The following PPP1R9A variants were observed in gnomAD, a reference collection of about 807,000 sequenced individuals.
The protein encoded by PPP1R9A is neurabin-1.
Under a neutral mutation model 141.9 loss-of-function variants are expected in PPP1R9A, and 59 were observed. The ratio of observed to expected loss-of-function variants is 0.42; its 90% CI spans 0.34 to 0.52. PPP1R9A has a LOEUF of 0.52. PPP1R9A is among the 20% of genes least tolerant of loss of function. The pLI is 0.10. For synonymous variants in PPP1R9A, 500 were observed against 569.7 expected (o/e 0.88, Z 1.74); for missense variants, 1,444 against 1,611.9 (o/e 0.90, Z 1.78).
chr7:95,105,195 GT>G lies in PPP1R9A; in HGVS notation c.1396-6057del, dbSNP rs1213742294. Among the ~76,000 whole-genome samples the G allele has an allele frequency of 4.6e-5, 7 of 152,278 alleles. No individual in the cohort carries two copies. The East Asian group carries it at 9.6e-4, about 21-fold the overall frequency. The stretch of plus-strand genomic sequence containing the variant: ...TGTCATAAAGAAGTGAAGGAAATAA[GT>G]TTTTTTCTTATTGTTGAAAATGTAT... On this transcript the variant is annotated intron_variant, in intron 2 of 19. Transcript: ENST00000433360.
At chr7:95,132,658 T>C (rs767887093) in intron 4 of PPP1R9A, among the ~76,000 whole-genome samples, 1 of 152,076 alleles carries the variant, frequency 6.6e-6, no homozygotes, top group Non-Finnish European at 1.5e-5. Flanking sequence ...GGCCGATGTC[T>C]CTTTGCTCAG....
At chr7:95,020,334 C>A (rs1805756039) in intron 2 of PPP1R9A, among the ~76,000 whole-genome samples, 6 of 151,794 alleles carry the variant, frequency 4.0e-5, no homozygotes, top group Admixed American at 3.9e-4. Flanking sequence ...ATATCCAGGT[C>A]ATTGTGAATC....
At chr7:95,126,305 A>G (rs557325209) in intron 4 of PPP1R9A, among the ~76,000 whole-genome samples, 4 of 152,246 alleles carry the variant, frequency 2.6e-5, no homozygotes, top group African/African-American at 9.6e-5. Flanking sequence ...ATAAGTAACT[A>G]TCCAGTAACA....
At chr7:95,108,823 C>T (rs1820044194) in intron 2 of PPP1R9A, 1 of 151,868 alleles carries the variant, frequency 6.6e-6, no homozygotes, top group Non-Finnish European at 1.5e-5. Context: ...TTATTTCATA[C>T]TTACTTTATA....
At chr7:95,047,544 C>T (rs1365062985) in intron 2 of PPP1R9A, among the ~76,000 whole-genome samples, 1 of 152,164 alleles carries the variant, frequency 6.6e-6, no homozygotes, top group Non-Finnish European at 1.5e-5. Flanking sequence ...AGTGCCCTAG[C>T]TGACATCCTT....
chr7:95,292,273 A>G lies in PPP1R9A; in HGVS notation c.*1970A>G, dbSNP rs1172986561. 6.6e-6 allele frequency: 1 copy of G among 152,636 alleles called. No homozygotes were observed. The highest frequency in any genetic ancestry group is 1.5e-5 in the Non-Finnish European group (1 of 68,028). 9.5% of individuals were successfully genotyped at this position (152,636 alleles called of 1,614,324 possible). A position where few individuals can be genotyped will look rare whatever the true frequency, so the allele number is the denominator to read the frequency against. ...GAAGCCACTATTAATGAGTGATACA[A>G]TTTGGCAAAACTTTTCAAATACTAA... On this transcript the variant is annotated 3_prime_UTR_variant, in exon 20 of 20. Coordinates refer to ENST00000433360, the MANE Select transcript of PPP1R9A (RefSeq NM_001166160.2).
chr7:95,265,960 C>A (rs1801223278), intron 12 of PPP1R9A, among the ~76,000 whole-genome samples: 1 of 152,118 alleles, frequency 6.6e-6, no homozygotes, highest in African/African-American at 2.4e-5. Flanking sequence ...AGCAGATACA[C>A]CAGATTGCCA....
At chr7:95,151,956 T>TC (rs1689550600) in intron 4 of PPP1R9A, among the ~76,000 whole-genome samples, 1 of 128,566 alleles carries the variant, frequency 7.8e-6, no homozygotes. Flanking sequence ...TTTTTTTTTT[T>TC]TTTTTTTTTT....
chr7:95,067,555 G>T (rs1813121847), intron 2 of PPP1R9A, among the ~76,000 whole-genome samples: 2 of 152,170 alleles, frequency 1.3e-5, no homozygotes, highest in Non-Finnish European at 2.9e-5. Context: ...TGAGAAAGAA[G>T]AGATACTTAT....
chr7:95,102,926 C>T (rs1818981865), intron 2 of PPP1R9A, among the ~76,000 whole-genome samples: 1 of 152,172 alleles, frequency 6.6e-6, no homozygotes, highest in Non-Finnish European at 1.5e-5. Flanking sequence ...ATTCTAGAGT[C>T]TATGAAGTAT....
intron 12 of PPP1R9A, among the ~76,000 whole-genome samples, chr7:95,259,045 C>T (rs866718832): frequency 6.6e-6 from 1 of 152,166 alleles, no homozygotes; most frequent in South Asian, 2.1e-4. Flanking sequence ...ATTTTAGTTA[C>T]ACCTTTCAAC....
At chr7:95,158,103 G>C (rs533007689) in intron 4 of PPP1R9A, among the ~76,000 whole-genome samples, 1 of 152,254 alleles carries the variant, frequency 6.6e-6, no homozygotes, top group South Asian at 2.1e-4. Flanking sequence ...AGACAATGTA[G>C]CATTGATGCA....
At chr7:95,184,607 C>T (rs902580609) in intron 5 of PPP1R9A, among the ~76,000 whole-genome samples, 7 of 152,134 alleles carry the variant, frequency 4.6e-5, no homozygotes, top group Admixed American at 6.6e-5. Flanking sequence ...AGTCTGTTAT[C>T]CCTCATCCCA....
At chr7:95,045,074 T>C (rs1367410294) in intron 2 of PPP1R9A, among the ~76,000 whole-genome samples, 1 of 152,186 alleles carries the variant, frequency 6.6e-6, no homozygotes, top group Non-Finnish European at 1.5e-5. Flanking sequence ...TTTTAACTCC[T>C]TCAAGCATGT....
chr7:95,258,754 T>G lies in PPP1R9A; in HGVS notation c.2665+6624T>G, dbSNP rs574981499. On this transcript the variant is annotated intron_variant, in intron 12 of 19. Transcript: ENST00000433360. The stretch of plus-strand genomic sequence containing the variant: ...ACCTAAACATTAGTAAACATAGACA[T>G]TCAACTTCACTGGCAAAAATCAAAC... Among the ~76,000 whole-genome samples the G allele has an allele frequency of 3.3e-5, 5 of 152,208 alleles. No homozygotes were observed. The East Asian group carries it at 9.6e-4, about 29-fold the overall frequency.
At chr7:95,027,648 G>C (rs1002240530) in intron 2 of PPP1R9A, among the ~76,000 whole-genome samples, 4 of 152,174 alleles carry the variant, frequency 2.6e-5, no homozygotes, top group African/African-American at 9.6e-5. Context: ...AAACATCATG[G>C]ACTTTATTTA....
At chr7:95,221,182 C>A (rs1344130775) in intron 7 of PPP1R9A, among the ~76,000 whole-genome samples, 2 of 152,088 alleles carry the variant, frequency 1.3e-5, no homozygotes, top group East Asian at 1.9e-4. Context: ...AGCGGTCACT[C>A]GTTTTGAGCA....
At chr7:95,177,057 G>A (rs553066087) in intron 5 of PPP1R9A, among the ~76,000 whole-genome samples, 3 of 152,164 alleles carry the variant, frequency 2.0e-5, no homozygotes, top group East Asian at 1.9e-4. Context: ...TCACCCAGGC[G>A]CATTGTCATC....
chr7:95,007,095 C>T lies in PPP1R9A; in HGVS notation c.1395+95587C>T, dbSNP rs145996705. 1.6e-3 allele frequency among the ~76,000 whole-genome samples: 239 copies of T among 152,230 alleles called. 1 individual carries two copies. The highest frequency in any genetic ancestry group is 5.3e-3 in the African/African-American group (222 of 41,530). On this transcript the variant is annotated intron_variant, in intron 2 of 19. Transcript: ENST00000433360. ...CAGGCTGGTCTTGAACTCCCGACCT[C>T]AGGTGATCCGCCCATCTCAGCCTCC... is the stretch of plus-strand genomic sequence containing the variant.
Sources: gnomAD v4.1 joint callset for allele counts (sites outside exome capture counted in the v4.1 genomes callset) on GRCh38, gnomAD v4.1.1 for gene constraint, MANE v1.5 for transcripts, NCBI Gene and HGNC (gene_info 2026-07-23, HGNC 2026-07-21) for gene names.